KLHL29: variants seen among roughly 807,000 people sequenced by gnomAD.
The protein encoded by KLHL29 is kelch-like protein 29.
KLHL29 carries 21 observed loss-of-function variants against 80.4 expected under a neutral mutation model. That is an observed-to-expected ratio of 0.26 (90% CI 0.19 to 0.38). The LOEUF (loss-of-function observed/expected upper bound fraction) is 0.38. Among genes scored for constraint, KLHL29 ranks in the 10% least tolerant of loss-of-function variants. KLHL29 has a pLI of 1.00. For missense variants in KLHL29, 867 were observed against 1,223.9 expected (o/e 0.71, Z 4.35); for synonymous variants, 511 against 526.8 (o/e 0.97, Z 0.41).
At chr2:23,569,216 G>A (rs866668993) in intron 3 of KLHL29, among the ~76,000 whole-genome samples, 3 of 152,244 alleles carry the variant, frequency 2.0e-5, no homozygotes, top group Non-Finnish European at 4.4e-5. Context: ...CTTTCTCCCT[G>A]TGAAAATCCA....
rs1210299245 is a variant in KLHL29 at position 23,680,379 on chromosome 2, G to A, written c.941-4020G>A. On this transcript the variant is annotated intron_variant, in intron 5 of 13. Coordinates refer to ENST00000486442, the MANE Select transcript of KLHL29 (RefSeq NM_052920.2). The surrounding 1 kb of genome is among the most constrained non-coding windows in gnomAD (Gnocchi z 4.1). ...CATGCAGGAGGAAGTGGGGAAAGGG[G>A]CAAAGAGGCCTGGGACAAAAATCTG... 1.3e-5 allele frequency among the ~76,000 whole-genome samples: 2 copies of A among 152,184 alleles called. No homozygotes were observed. The highest frequency in any genetic ancestry group is 2.9e-5 in the Non-Finnish European group (2 of 68,008).
chr2:23,692,812 G>A (rs572685001), intron 7 of KLHL29, among the ~76,000 whole-genome samples: 218 of 152,272 alleles, frequency 1.4e-3, no homozygotes, highest in Non-Finnish European at 2.9e-3. Flanking sequence ...TGGGGCAGAA[G>A]CCTATGCAAG....
chr2:23,671,027 C>T (rs1670731610), intron 5 of KLHL29, among the ~76,000 whole-genome samples: 1 of 78,132 alleles, frequency 1.3e-5, no homozygotes, highest in African/African-American at 3.5e-5. Context: ...CCCTTCCCTC[C>T]TAACCTCACA....
chr2:23,697,630 C>T (rs975222962), intron 11 of KLHL29: 1 of 152,222 alleles, frequency 6.6e-6, no homozygotes, highest in African/African-American at 2.4e-5. Flanking sequence ...CAGAGTGAGG[C>T]AGGCTCTGAA....
intron 2 of KLHL29, among the ~76,000 whole-genome samples, chr2:23,534,180 T>C (rs1485451500): frequency 1.3e-5 from 2 of 152,190 alleles, no homozygotes; most frequent in African/African-American, 4.8e-5. Context: ...CAACCGGGGC[T>C]TCAGATCATG....
intron 2 of KLHL29, among the ~76,000 whole-genome samples, chr2:23,501,931 T>A (rs1403988942): frequency 6.6e-6 from 1 of 152,164 alleles, no homozygotes; most frequent in Non-Finnish European, 1.5e-5. Context: ...ATGGTTTGTT[T>A]TTAACATGCA....
intron 3 of KLHL29, among the ~76,000 whole-genome samples, chr2:23,569,934 C>A (rs1471204355): frequency 6.6e-6 from 1 of 152,138 alleles, no homozygotes. Flanking sequence ...GAAGAGGCAT[C>A]GTGGAAGTCT....
chr2:23,640,891 T>C (rs1053070600), intron 4 of KLHL29, among the ~76,000 whole-genome samples: 4 of 152,146 alleles, frequency 2.6e-5, no homozygotes, highest in African/African-American at 9.7e-5. Flanking sequence ...CCTTGGACAG[T>C]GGGCTGGTAG....
Position 23,400,321 on chromosome 2 carries a change from C to T in KLHL29, c.-154+14541C>T, listed in dbSNP as rs1158627989. 3.3e-5 allele frequency among the ~76,000 whole-genome samples: 5 copies of T among 151,448 alleles called. No individual in the cohort carries two copies. The East Asian group carries it at 9.6e-4, about 29-fold the overall frequency. Reference sequence around the variant, plus strand: ...GGCCTCTTCCTTTCTGGATTGAAGCCTTGAGGCTGGTTGAGATGCTCTTTA... The same window carrying T: ...GGCCTCTTCCTTTCTGGATTGAAGCTTTGAGGCTGGTTGAGATGCTCTTTA... On this transcript the variant is annotated intron_variant, in intron 1 of 13. Transcript: ENST00000486442.
intron 3 of KLHL29, among the ~76,000 whole-genome samples, chr2:23,597,046 C>G (rs1668423602): frequency 6.6e-6 from 1 of 152,052 alleles, no homozygotes; most frequent in South Asian, 2.1e-4. Context: ...ATAGAGGGCT[C>G]TGCTTTTGGG....
At chr2:23,630,973 G>A (rs937624823) in intron 3 of KLHL29, among the ~76,000 whole-genome samples, 18 of 152,182 alleles carry the variant, frequency 1.2e-4, no homozygotes, top group African/African-American at 3.6e-4. Flanking sequence ...TATGGCTTGC[G>A]TCCTCACAGT....
At chr2:23,545,697 C>T (rs1454568378) in intron 2 of KLHL29, among the ~76,000 whole-genome samples, 1 of 152,224 alleles carries the variant, frequency 6.6e-6, no homozygotes, top group Admixed American at 6.5e-5. Context: ...CTACACTGCT[C>T]CTGGGGACGA....
At chr2:23,567,069 G>A (rs575497708) in intron 3 of KLHL29, among the ~76,000 whole-genome samples, 7 of 152,200 alleles carry the variant, frequency 4.6e-5, no homozygotes, top group South Asian at 2.1e-4. Flanking sequence ...GGTCAGGACC[G>A]CAGGGGCAGG....
intron 3 of KLHL29, among the ~76,000 whole-genome samples, chr2:23,599,015 G>C (rs1442218137): frequency 6.6e-6 from 1 of 152,250 alleles, no homozygotes; most frequent in African/African-American, 2.4e-5. Flanking sequence ...GAAACTCCAA[G>C]ATTCCTGTCC....
At chr2:23,477,498 C>T (rs1664670498) in intron 2 of KLHL29, among the ~76,000 whole-genome samples, 1 of 152,228 alleles carries the variant, frequency 6.6e-6, no homozygotes, top group South Asian at 2.1e-4. Flanking sequence ...ATGGAAGGTT[C>T]CCCACCCTGT....
intron 3 of KLHL29, among the ~76,000 whole-genome samples, chr2:23,568,145 G>C (rs1020746887): frequency 6.6e-6 from 1 of 151,960 alleles, no homozygotes; most frequent in Non-Finnish European, 1.5e-5. Flanking sequence ...GGCAAAAAGA[G>C]GGAAGAAGAT....
At chr2:23,568,058 G>GTCAT (rs1487370898) in intron 3 of KLHL29, among the ~76,000 whole-genome samples, 3 of 152,168 alleles carry the variant, frequency 2.0e-5, no homozygotes, top group Admixed American at 6.5e-5. Flanking sequence ...ATTGAAAAAT[G>GTCAT]TCATGATTTT....
intron 2 of KLHL29, among the ~76,000 whole-genome samples, chr2:23,502,252 C>T (rs1665469242): frequency 1.3e-5 from 2 of 152,204 alleles, no homozygotes; most frequent in Admixed American, 1.3e-4. Context: ...TTGTGCCCGC[C>T]GAGCAGGAGG....
At chr2:23,434,060 G>A (rs191567703) in intron 1 of KLHL29, among the ~76,000 whole-genome samples, 4,582 of 151,920 alleles carry the variant, frequency 0.03, 113 homozygotes, top group Non-Finnish European at 0.047. Context: ...GGTGGCTCAC[G>A]CCTGTAATCC....
Sources: allele counts gnomAD v4.1 joint callset (sites outside exome capture counted in the v4.1 genomes callset), GRCh38; gene constraint gnomAD v4.1.1; non-coding constraint Gnocchi (gnomAD v3.1); transcripts MANE v1.5; gene names NCBI Gene and HGNC (gene_info 2026-07-23, HGNC 2026-07-21).